Variants in ZNF784 observed in about 807,000 individuals in gnomAD.
The protein encoded by ZNF784 is zinc finger protein 784.
A neutral mutation model predicts 3.3 loss-of-function variants in ZNF784; 5 were observed. The ratio of observed to expected loss-of-function variants is 1.53; its 90% CI spans 0.80 to 3.22. The LOEUF is 3.22. ZNF784 is among the 30% of genes most tolerant of loss of function. ZNF784 has a pLI of 0.00. For synonymous variants in ZNF784, 231 were observed against 219.6 expected (o/e 1.05, Z -0.46); for missense variants, 501 against 480.7 (o/e 1.04, Z -0.39).
chr19:55,624,544 T>C lies in ZNF784; in HGVS notation c.18A>G (p.Pro6=), dbSNP rs1363445797. The C allele has an allele frequency of 6.3e-6, 10 of 1,595,388 alleles. No individual in the cohort carries two copies. Among genetic ancestry groups the C allele is most frequent in the East Asian group, 2.3e-5 (1 of 43,692 alleles). MAAAR[P]EAQSRSSPTP... ...TCGGTGAGCTCCGACTCTGGGCCTCTGGGCGCGCAGCGGCCATCTTGTGCC... is the reference window on the plus strand; with the variant it reads ...TCGGTGAGCTCCGACTCTGGGCCTCCGGGCGCGCAGCGGCCATCTTGTGCC... The change falls in exon 1 of 2, where the codon CCA becomes CCG. Residue 6 remains proline (P), a synonymous_variant. Transcript: ENST00000325351.
chr19:55,624,416 A>G (rs1182224867), intron 1 of ZNF784, 68 bp downstream of exon 1: 5 of 664,904 alleles, frequency 7.5e-6, no homozygotes, highest in South Asian at 1.7e-5. Context: ...CACGCCCCGG[A>G]CCCGCCCCCC....
At position 55,621,718 on chromosome 19, in the gene ZNF784, C is replaced by T. The variant is rs1368775764; in HGVS notation, c.*33G>A. ...CCTCCCCGGGTCGGCCTCGTACCTC[C>T]GCCTTAACTAACCCATGTCCCTGGT... On this transcript the variant is annotated 3_prime_UTR_variant, in exon 2 of 2. Coordinates refer to ENST00000325351, the MANE Select transcript of ZNF784 (RefSeq NM_203374.2). This position sits in a 1 kb window ranked among gnomAD's most constrained non-coding sequence, Gnocchi z 4.1. The T allele has an allele frequency of 3.1e-6, 5 of 1,595,202 alleles. No individual in the cohort carries two copies. The highest frequency in any genetic ancestry group is 2.5e-6 in the Non-Finnish European group (3 of 1,178,608).
rs1474037886 is a variant in ZNF784 at position 55,622,063 on chromosome 19, G to A, written c.660C>T (p.Gly220=). 2.5e-6 allele frequency: 4 copies of A among 1,587,618 alleles called. No homozygotes were observed. Among genetic ancestry groups the A allele is most frequent in the South Asian group, 1.1e-5 (1 of 89,150 alleles). ...DMRDHERVHT[G]ERPYHCGICG... Reference sequence around the variant, plus strand: ...AGATGCCGCAATGGTATGGCCGCTCGCCAGTGTGCACGCGCTCGTGGTCTC... The same window carrying A: ...AGATGCCGCAATGGTATGGCCGCTCACCAGTGTGCACGCGCTCGTGGTCTC... Residue 220 remains glycine, a synonymous_variant, in exon 2 of 2, where the codon GGC becomes GGT. Transcript: ENST00000325351. This position sits in a 1 kb window ranked among gnomAD's most constrained non-coding sequence, Gnocchi z 5.9.
At position 55,621,714 on chromosome 19, in the gene ZNF784, C is replaced by T. The variant is rs1981557497; in HGVS notation, c.*37G>A. The T allele has an allele frequency of 6.3e-7, 1 of 1,590,006 alleles. No homozygotes were observed. Among genetic ancestry groups the T allele is most frequent in the Non-Finnish European group, 8.5e-7 (1 of 1,175,162 alleles). On this transcript the variant is annotated 3_prime_UTR_variant, in exon 2 of 2. Coordinates refer to ENST00000325351, the MANE Select transcript of ZNF784 (RefSeq NM_203374.2). The surrounding 1 kb of genome is among the most constrained non-coding windows in gnomAD (Gnocchi z 4.1). ...TCCCCCTCCCCGGGTCGGCCTCGTA[C>T]CTCCGCCTTAACTAACCCATGTCCC...
Position 55,624,536 on chromosome 19 carries a change from T to G in ZNF784, c.26A>C (p.Gln9Pro), listed in dbSNP as rs762408505. The change falls in exon 1 of 2, where the codon CAG (glutamine) becomes CCG (proline). Residue 9 changes from glutamine to proline, a missense_variant. Gln to Pro is a moderately conservative substitution (Grantham distance 76). Transcript: ENST00000325351. ...CTCCGGAGTCGGTGAGCTCCGACTCTGGGCCTCTGGGCGCGCAGCGGCCAT... is the reference window on the plus strand; with the variant it reads ...CTCCGGAGTCGGTGAGCTCCGACTCGGGGCCTCTGGGCGCGCAGCGGCCAT... MAAARPEA[Q>P]SRSSPTPESR... 1.3e-6 allele frequency: 2 copies of G among 1,597,854 alleles called. No homozygotes were observed. Among genetic ancestry groups the G allele is most frequent in the African/African-American group, 1.3e-5 (1 of 74,142 alleles).
At position 55,621,356 on chromosome 19, in the gene ZNF784, TC is replaced by T; in HGVS notation, c.*394del. 2 of 308,476 alleles carry T rather than the reference TC, an allele frequency of 6.5e-6. No homozygotes were observed. Among genetic ancestry groups the T allele is most frequent in the Non-Finnish European group, 1.2e-5 (2 of 160,918 alleles). 19.1% of individuals were successfully genotyped at this position (308,476 alleles called of 1,614,324 possible). ...GCAGAAGACTATGGTGGACCCCAATTCCCCCCTTCCATTCGATCCTGGCTCC... is the reference window on the plus strand; with the variant it reads ...GCAGAAGACTATGGTGGACCCCAATTCCCCCTTCCATTCGATCCTGGCTCC... On this transcript the variant is annotated 3_prime_UTR_variant, in exon 2 of 2. Transcript: ENST00000325351. This position sits in a 1 kb window ranked among gnomAD's most constrained non-coding sequence, Gnocchi z 4.1.
At chr19:55,624,350 GCCCCAC>G (rs1981671782) in intron 1 of ZNF784, 128 bp downstream of exon 1, 1 of 328,240 alleles carries the variant, frequency 3.0e-6, no homozygotes, top group African/African-American at 2.8e-5. Flanking sequence ...ACCACAAGAA[GCCCCAC>G]CCCCAGGGCC....
chr19:55,623,614 A>G (rs908569069), intron 1 of ZNF784, among the ~76,000 whole-genome samples: 1 of 152,180 alleles, frequency 6.6e-6, no homozygotes, highest in African/African-American at 2.4e-5. Context: ...TCGTCACTAT[A>G]ATATCTGTGG....
rs994939985 is a variant in ZNF784, at chr19:55,622,734, T to C, written c.79-90A>G. 1.6e-6 allele frequency: 2 copies of C among 1,231,992 alleles called. No individual in the cohort carries two copies. Among genetic ancestry groups the C allele is most frequent in the Non-Finnish European group, 2.2e-6 (2 of 925,132 alleles). 76.3% of individuals were successfully genotyped at this position (1,231,992 alleles called of 1,614,324 possible). ...AATTATTAAAGCTTGGGCTCCTCTG[T>C]TATTTTCAGACAGGGCCTCACTCTG... is the stretch of plus-strand genomic sequence containing the variant. On this transcript the variant is annotated intron_variant, in intron 1 of 1. Transcript: ENST00000325351. The surrounding 1 kb of genome is among the most constrained non-coding windows in gnomAD (Gnocchi z 5.9).
In ZNF784 at chr19:55,622,269, CGTGCCGGTGCTG is replaced by C. The variant is rs1243596085; in HGVS notation, c.442_453del (p.Gln148_His151del). On this transcript the variant is annotated inframe_deletion, in exon 2 of 2. Coordinates refer to ENST00000325351, the MANE Select transcript of ZNF784 (RefSeq NM_203374.2). This position sits in a 1 kb window ranked among gnomAD's most constrained non-coding sequence, Gnocchi z 5.9. ...CTCCGAGAGGTGCCCGGCTCCACCC[CGTGCCGGTGCTG>C]GTGCCGGAGCAGGGGCGCCAAGGCC... 6.5e-7 allele frequency: 1 copy of C among 1,532,408 alleles called. No homozygotes were observed. Among genetic ancestry groups the C allele is most frequent in the Non-Finnish European group, 8.7e-7 (1 of 1,143,140 alleles). 94.9% of individuals were successfully genotyped at this position (1,532,408 alleles called of 1,614,324 possible). A position where few individuals can be genotyped will look rare whatever the true frequency, so the allele number is the denominator to read the frequency against.
At chr19:55,623,396 G>C (rs1221259899) in intron 1 of ZNF784, among the ~76,000 whole-genome samples, 1 of 152,124 alleles carries the variant, frequency 6.6e-6, no homozygotes, top group Non-Finnish European at 1.5e-5. Context: ...ATATATCATG[G>C]ATCCCACCTT....
At position 55,621,986 on chromosome 19, in the gene ZNF784, T is replaced by G; in HGVS notation, c.737A>C (p.His246Pro). ...SSVLSGHARI[H>P]TGERPFRCTL... ...GCAGCGGAACGGGCGCTCGCCAGTGTGGATGCGGGCGTGGCCGCTAAGCAC... is the reference window on the plus strand; with the variant it reads ...GCAGCGGAACGGGCGCTCGCCAGTGGGGATGCGGGCGTGGCCGCTAAGCAC... Residue 246 changes from histidine to proline, a missense_variant, in exon 2 of 2, where the codon CAC becomes CCC. Physicochemically the swap from His to Pro is moderately conservative, Grantham distance 77. Coordinates refer to ENST00000325351, the MANE Select transcript of ZNF784 (RefSeq NM_203374.2). The surrounding 1 kb of genome is among the most constrained non-coding windows in gnomAD (Gnocchi z 4.1). 1 of 1,595,250 alleles carries G rather than the reference T, an allele frequency of 6.3e-7. No individual in the cohort carries two copies. The highest frequency in any genetic ancestry group is 8.5e-7 in the Non-Finnish European group (1 of 1,178,142).
In ZNF784 at chr19:55,621,372, ATCC is replaced by A; in HGVS notation, c.*376_*378del. On this transcript the variant is annotated 3_prime_UTR_variant, in exon 2 of 2. Transcript: ENST00000325351. The surrounding 1 kb of genome is among the most constrained non-coding windows in gnomAD (Gnocchi z 4.1). The stretch of plus-strand genomic sequence containing the variant: ...GACCCCAATTCCCCCCTTCCATTCG[ATCC>A]TGGCTCCTCCTCTGAAGTGCCCAGG... The A allele has an allele frequency of 2.9e-6, 1 of 340,220 alleles. No individual in the cohort carries two copies. Among genetic ancestry groups the A allele is most frequent in the South Asian group, 3.0e-5 (1 of 33,176 alleles). The allele number at this position is 340,220 out of a possible 1,614,324, so 21.1% of individuals were successfully genotyped here.
Position 55,622,002 on chromosome 19 carries a change from C to G in ZNF784, c.721G>C (p.Gly241Arg), listed in dbSNP as rs145663857. Residue 241 changes from glycine (G) to arginine (R), a missense_variant, in exon 2 of 2, where the codon GGC becomes CGC. By Grantham distance (125) the Gly-to-Arg change is moderately radical (BLOSUM62 -2). Coordinates refer to ENST00000325351, the MANE Select transcript of ZNF784 (RefSeq NM_203374.2). This position sits in a 1 kb window ranked among gnomAD's most constrained non-coding sequence, Gnocchi z 5.9. ...TCGCCAGTGTGGATGCGGGCGTGGC[C>G]GCTAAGCACCGAGGACTGGGTGAAG... ...KGFTQSSVLS[G>R]HARIHTGERP... The G allele has an allele frequency of 1.2e-5, 19 of 1,593,964 alleles. No individual in the cohort carries two copies. Among genetic ancestry groups the G allele is most frequent in the Non-Finnish European group, 1.4e-5 (17 of 1,178,028 alleles).
Position 55,621,400 on chromosome 19 carries a change from GCT to G in ZNF784, c.*349_*350del. ...CTGGCTCCTCCTCTGAAGTGCCCAG[GCT>G]CTGTCGTGACAGGCTGGGTCTTGCA... On this transcript the variant is annotated 3_prime_UTR_variant, in exon 2 of 2. Coordinates refer to ENST00000325351, the MANE Select transcript of ZNF784 (RefSeq NM_203374.2). The surrounding 1 kb of genome is among the most constrained non-coding windows in gnomAD (Gnocchi z 4.1). 1 of 402,982 alleles carries G rather than the reference GCT, an allele frequency of 2.5e-6. No individual in the cohort carries two copies. Among genetic ancestry groups the G allele is most frequent in the Non-Finnish European group, 4.6e-6 (1 of 215,430 alleles). 25.0% of individuals were successfully genotyped at this position (402,982 alleles called of 1,614,324 possible).
rs754765547 is a variant in ZNF784 at position 55,622,058 on chromosome 19, C to T, written c.665G>A (p.Arg222Gln). The T allele has an allele frequency of 1.2e-5, 19 of 1,589,126 alleles. No individual in the cohort carries two copies. The highest frequency in any genetic ancestry group is 2.2e-5 in the South Asian group (2 of 89,366). The change falls in exon 2 of 2, where the codon CGG (arginine) becomes CAG (glutamine). Residue 222 changes from arginine to glutamine, a missense_variant. Arg to Gln is a conservative substitution (Grantham distance 43). Coordinates refer to ENST00000325351, the MANE Select transcript of ZNF784 (RefSeq NM_203374.2). The surrounding 1 kb of genome is among the most constrained non-coding windows in gnomAD (Gnocchi z 5.9). ...RDHERVHTGE[R>Q]PYHCGICGKG... ...GCCGCAGATGCCGCAATGGTATGGCCGCTCGCCAGTGTGCACGCGCTCGTG... is the reference window on the plus strand; with the variant it reads ...GCCGCAGATGCCGCAATGGTATGGCTGCTCGCCAGTGTGCACGCGCTCGTG...
rs1202935132 is a variant in ZNF784 at position 55,622,161 on chromosome 19, C to T, written c.562G>A (p.Ala188Thr). The T allele has an allele frequency of 6.5e-7, 1 of 1,532,622 alleles. No individual in the cohort carries two copies. Among genetic ancestry groups the T allele is most frequent in the Admixed American group, 2.0e-5 (1 of 50,818 alleles). 94.9% of individuals were successfully genotyped at this position (1,532,622 alleles called of 1,614,324 possible). Reference sequence around the variant, plus strand: ...AAAGGCTTCCCCACCGCTGCGCCCGCCGCCGCCGCCGCCATCACCACCTCC... The same window carrying T: ...AAAGGCTTCCCCACCGCTGCGCCCGTCGCCGCCGCCGCCATCACCACCTCC... Reference protein sequence around the residue: ...RAEVVMAAAAAGAAVGKPFAC... With the variant: ...RAEVVMAAAATGAAVGKPFAC... Residue 188 changes from alanine (A) to threonine (T), a missense_variant, in exon 2 of 2, where the codon GCG becomes ACG. Physicochemically the swap from Ala to Thr is moderately conservative, Grantham distance 58. Coordinates refer to ENST00000325351, the MANE Select transcript of ZNF784 (RefSeq NM_203374.2). The surrounding 1 kb of genome is among the most constrained non-coding windows in gnomAD (Gnocchi z 5.9).
rs911154017 is a variant in ZNF784, at chr19:55,621,685, C to A, written c.*66G>T. 7.1e-6 allele frequency: 11 copies of A among 1,558,352 alleles called. No individual in the cohort carries two copies. In the African/African-American group the frequency reaches 9.4e-5, roughly 13 times the overall value. Reference sequence around the variant, plus strand: ...CTGTCCCCTGCCTCCGTTTCCCCACCCCGTCCCCCTCCCCGGGTCGGCCTC... The same window carrying A: ...CTGTCCCCTGCCTCCGTTTCCCCACACCGTCCCCCTCCCCGGGTCGGCCTC... On this transcript the variant is annotated 3_prime_UTR_variant, in exon 2 of 2. Coordinates refer to ENST00000325351, the MANE Select transcript of ZNF784 (RefSeq NM_203374.2). The surrounding 1 kb of genome is among the most constrained non-coding windows in gnomAD (Gnocchi z 4.1).
chr19:55,624,439 C>T, intron 1 of ZNF784, 45 bp downstream of exon 1: 2 of 1,511,960 alleles, frequency 1.3e-6, no homozygotes, highest in Non-Finnish European at 1.8e-6. Flanking sequence ...ACTACGACCT[C>T]CTCCCACCTC....
Sources: allele counts gnomAD v4.1 joint callset (sites outside exome capture counted in the v4.1 genomes callset), GRCh38; gene constraint gnomAD v4.1.1; non-coding constraint Gnocchi (gnomAD v3.1); transcripts MANE v1.5; gene names NCBI Gene and HGNC (gene_info 2026-07-23, HGNC 2026-07-21).